The following POMP variants were observed in gnomAD, a reference collection of about 807,000 sequenced individuals.
The protein encoded by POMP is 2510048O06Rik.
Under a neutral mutation model 20.6 loss-of-function variants are expected in POMP, and 12 were observed. The observed-to-expected ratio is 0.58, with a 90% CI of 0.37 to 0.94. The LOEUF is 0.94. Ranked by LOEUF, POMP falls within the 40% of genes least tolerant of loss-of-function variation. The pLI, the probability that POMP is intolerant of heterozygous loss-of-function variation, is 0.01. For missense variants in POMP, 136 were observed against 161.1 expected, an observed-to-expected ratio of 0.84 and a Z score of 0.84; for synonymous variants, 53 against 55.0, an observed-to-expected ratio of 0.96 and a Z score of 0.16.
intron 3 of POMP, among the ~76,000 whole-genome samples, chr13:28,667,611 T>A (rs573165647): frequency 6.6e-6 from 1 of 152,328 alleles, no homozygotes; most frequent in South Asian, 2.1e-4. Context: ...TGCTAATCTC[T>A]CAATAGATTT....
chr13:28,669,435 G>T (rs1223809436), intron 4 of POMP, among the ~76,000 whole-genome samples: 2 of 152,094 alleles, frequency 1.3e-5, no homozygotes, highest in African/African-American at 4.8e-5. Context: ...GAGTGCAGTG[G>T]TATGATCATA....
chr13:28,668,209 T>C (rs552908449), intron 3 of POMP, among the ~76,000 whole-genome samples: 2 of 152,326 alleles, frequency 1.3e-5, no homozygotes, highest in South Asian at 4.1e-4. Context: ...TACTTTTGAA[T>C]AGGAGACACA....
At chr13:28,677,118 C>G (rs1884641413) in intron 5 of POMP, among the ~76,000 whole-genome samples, 1 of 152,156 alleles carries the variant, frequency 6.6e-6, no homozygotes, top group South Asian at 2.1e-4. Context: ...TTCTCGTTCC[C>G]TAATTACCGG....
intron 2 of POMP, among the ~76,000 whole-genome samples, chr13:28,663,610 G>A (rs893962715): frequency 2.4e-4 from 37 of 152,248 alleles, no homozygotes; most frequent in African/African-American, 7.9e-4. Flanking sequence ...GCGTCTGGCC[G>A]TAATTTACTC....
chr13:28,665,941 T>C (rs1475534267), intron 3 of POMP, among the ~76,000 whole-genome samples: 1 of 152,232 alleles, frequency 6.6e-6, no homozygotes, highest in Non-Finnish European at 1.5e-5. Flanking sequence ...ATAGGGCTTT[T>C]TGGCCTCTGT....
intron 4 of POMP, among the ~76,000 whole-genome samples, chr13:28,670,164 C>T (rs966934361): frequency 6.6e-6 from 1 of 152,158 alleles, no homozygotes; most frequent in Non-Finnish European, 1.5e-5. Context: ...AGCTATAAAC[C>T]TATAGGCTTT....
At chr13:28,668,261 A>T (rs1228615254) in intron 3 of POMP, among the ~76,000 whole-genome samples, 1 of 152,190 alleles carries the variant, frequency 6.6e-6, no homozygotes, top group African/African-American at 2.4e-5. Flanking sequence ...TAGTAATTTT[A>T]CTCTGGTAAA....
chr13:28,661,037 G>T (rs1436021160), intron 1 of POMP, among the ~76,000 whole-genome samples: 1 of 152,148 alleles, frequency 6.6e-6, no homozygotes, highest in African/African-American at 2.4e-5. Context: ...TAAGAAATCA[G>T]TTAAAAAGCT....
At chr13:28,665,655 C>T (rs530682035) in intron 3 of POMP, among the ~76,000 whole-genome samples, 3 of 152,226 alleles carry the variant, frequency 2.0e-5, no homozygotes, top group Non-Finnish European at 4.4e-5. Flanking sequence ...GAAACTGTTT[C>T]TTAAGTGGAC....
chr13:28,678,403 G>T lies in POMP; in HGVS notation c.*301G>T, dbSNP rs901632087. 1.9e-5 allele frequency: 6 copies of T among 312,388 alleles called. No individual in the cohort carries two copies. Among genetic ancestry groups the T allele is most frequent in the East Asian group, 7.0e-5 (1 of 14,278 alleles). 19.4% of individuals were successfully genotyped at this position (312,388 alleles called of 1,614,324 possible). A position where few individuals can be genotyped will look rare whatever the true frequency, so the allele number is the denominator to read the frequency against. On this transcript the variant is annotated 3_prime_UTR_variant, in exon 6 of 6. Transcript: ENST00000380842. Reference sequence around the variant, plus strand: ...AGGTTTCAATTCAACCTGTTTCTAGGTTTTTTTGTAAATTTAGTTTTGATT... The same window carrying T: ...AGGTTTCAATTCAACCTGTTTCTAGTTTTTTTTGTAAATTTAGTTTTGATT...
chr13:28,678,420 G>A lies in POMP; in HGVS notation c.*318G>A, dbSNP rs1884668290. Reference sequence around the variant, plus strand: ...GTTTCTAGGTTTTTTTGTAAATTTAGTTTTGATTAAGCATTATAAGCATTT... The same window carrying A: ...GTTTCTAGGTTTTTTTGTAAATTTAATTTTGATTAAGCATTATAAGCATTT... On this transcript the variant is annotated 3_prime_UTR_variant, in exon 6 of 6. Transcript: ENST00000380842. 3 of 305,862 alleles carry A rather than the reference G, an allele frequency of 9.8e-6. No individual in the cohort carries two copies. Among genetic ancestry groups the A allele is most frequent in the Non-Finnish European group, 1.9e-5 (3 of 160,762 alleles). 18.9% of individuals were successfully genotyped at this position (305,862 alleles called of 1,614,324 possible).
chr13:28,676,255 C>T (rs529792554), intron 5 of POMP, among the ~76,000 whole-genome samples: 59 of 152,240 alleles, frequency 3.9e-4, no homozygotes, highest in Non-Finnish European at 7.5e-4. Flanking sequence ...CTGCCCACCT[C>T]GGCCTTCCAA....
At chr13:28,662,289 T>C (rs942885769) in intron 1 of POMP, 121 bp from the exon 2 acceptor site, 2 of 678,518 alleles carry the variant, frequency 2.9e-6, no homozygotes, top group African/African-American at 1.8e-5. Context: ...TTGTCTAGTC[T>C]GGACTTTTTG....
At chr13:28,671,004 A>T (rs1172509961) in intron 4 of POMP, among the ~76,000 whole-genome samples, 12 of 152,246 alleles carry the variant, frequency 7.9e-5, no homozygotes, top group Non-Finnish European at 2.9e-5. Context: ...CCAAAATCAC[A>T]CCATTGCACT....
Position 28,672,618 on chromosome 13 carries a change from G to C in POMP, c.358+186G>C, listed in dbSNP as rs57371732. On this transcript the variant is annotated intron_variant, in intron 5 of 5. Coordinates refer to ENST00000380842, the MANE Select transcript of POMP (RefSeq NM_015932.6). ...TAACTGTTTTTAAAAGTGAAGATTG[G>C]CTGGGTGCGGTGGCTCACGTGTAAT... Among the ~76,000 whole-genome samples the C allele has an allele frequency of 2.9e-3, 442 of 152,242 alleles. 3 individuals are homozygous for C. The highest frequency in any genetic ancestry group is 0.01 in the African/African-American group (419 of 41,540).
chr13:28,671,701 A>G (rs754729738), intron 4 of POMP, among the ~76,000 whole-genome samples: 20 of 151,666 alleles, frequency 1.3e-4, no homozygotes, highest in African/African-American at 2.9e-4. Flanking sequence ...AAATATCTCT[A>G]TGGAACATTA....
At chr13:28,668,813 GGTTTTT>G (rs1884490952) in intron 4 of POMP, among the ~76,000 whole-genome samples, 2 of 151,488 alleles carry the variant, frequency 1.3e-5, no homozygotes, top group Admixed American at 6.6e-5. Context: ...TGTTTTTCTG[GGTTTTT>G]TTTTTATGTA....
chr13:28,668,411 TG>T, intron 3 of POMP, 61 bp from the exon 4 acceptor site: 1 of 1,188,520 alleles, frequency 8.4e-7, no homozygotes, highest in Non-Finnish European at 1.3e-6. Flanking sequence ...TATATGCCAC[TG>T]CTAACTGTTT....
intron 2 of POMP, among the ~76,000 whole-genome samples, chr13:28,662,973 A>G (rs1884374698): frequency 6.6e-6 from 1 of 152,198 alleles, no homozygotes. Context: ...GTCCTTATGG[A>G]TAGAATAGGC....
Sources: gnomAD v4.1 joint callset for allele counts (sites outside exome capture counted in the v4.1 genomes callset) on GRCh38, gnomAD v4.1.1 for gene constraint, MANE v1.5 for transcripts, NCBI Gene and HGNC (gene_info 2026-07-23, HGNC 2026-07-21) for gene names.